The following NRCAM variants were observed in gnomAD, a reference collection of about 807,000 sequenced individuals.
NRCAM encodes NgCAM-related cell adhesion molecule.
NRCAM carries 83 observed loss-of-function variants against 156.5 expected under a neutral mutation model. The observed-to-expected ratio is 0.53, with a 90% CI of 0.44 to 0.64. The LOEUF is 0.64. Ranked by LOEUF, NRCAM falls within the 30% of genes least tolerant of loss-of-function variation. The pLI is 0.00. For synonymous variants in NRCAM, 538 were observed against 563.9 expected (o/e 0.95, Z 0.65); for missense variants, 1,417 against 1,597.3 (o/e 0.89, Z 1.92).
At chr7:108,311,804 A>C (rs1563215165) in intron 3 of NRCAM, among the ~76,000 whole-genome samples, 1 of 152,204 alleles carries the variant, frequency 6.6e-6, no homozygotes, top group Non-Finnish European at 1.5e-5. Context: ...AACATGCTCA[A>C]AGGATTTTAC....
chr7:108,169,359 A>C (rs542526237), intron 28 of NRCAM, among the ~76,000 whole-genome samples: 6 of 152,316 alleles, frequency 3.9e-5, no homozygotes, highest in African/African-American at 1.2e-4. Flanking sequence ...TTGGGTAGTT[A>C]AAAAAGAAGA....
chr7:108,204,776 G>A (rs752175928), intron 13 of NRCAM, among the ~76,000 whole-genome samples: 2 of 152,160 alleles, frequency 1.3e-5, no homozygotes, highest in African/African-American at 2.4e-5. Context: ...GGGCCTTAAA[G>A]AAGACTTTTG....
At chr7:108,201,622 G>A (rs1455518271) in intron 13 of NRCAM, among the ~76,000 whole-genome samples, 1 of 152,208 alleles carries the variant, frequency 6.6e-6, no homozygotes. Context: ...AACTTGGAGG[G>A]CAAAGCTCAA....
At chr7:108,292,179 G>T (rs2098319382) in intron 3 of NRCAM, among the ~76,000 whole-genome samples, 1 of 152,114 alleles carries the variant, frequency 6.6e-6, no homozygotes, top group African/African-American at 2.4e-5. Flanking sequence ...GTGGCTTCAG[G>T]GCTCTGGGTG....
intron 1 of NRCAM, among the ~76,000 whole-genome samples, chr7:108,455,954 A>G (rs1856864857): frequency 6.6e-6 from 1 of 152,118 alleles, no homozygotes; most frequent in African/African-American, 2.4e-5. Flanking sequence ...CACAGGCTGG[A>G]GGGGGTGGTG....
chr7:108,267,444 C>CT (rs1027249253), intron 3 of NRCAM, among the ~76,000 whole-genome samples: 1 of 152,134 alleles, frequency 6.6e-6, no homozygotes, highest in Admixed American at 6.5e-5. Context: ...GGCTTTGGGC[C>CT]TTGAGAATCC....
chr7:108,380,865 C>A (rs1595785153), intron 2 of NRCAM, among the ~76,000 whole-genome samples: 1 of 152,256 alleles, frequency 6.6e-6, no homozygotes, highest in African/African-American at 2.4e-5. Context: ...CTCCTGAGTA[C>A]TGGGTTACTC....
intron 1 of NRCAM, among the ~76,000 whole-genome samples, chr7:108,455,430 T>C (rs1855862404): frequency 1.3e-5 from 2 of 152,104 alleles, no homozygotes; most frequent in Admixed American, 6.5e-5. Flanking sequence ...GCTAAGAGCC[T>C]GGGCTGGGAA....
intron 8 of NRCAM, among the ~76,000 whole-genome samples, chr7:108,230,283 C>G (rs766048925): frequency 1.4e-4 from 20 of 147,784 alleles, no homozygotes; most frequent in Non-Finnish European, 2.4e-4. Flanking sequence ...TATCCAGAAT[C>G]TTACCATTTC....
At chr7:108,177,467 C>CA (rs1399530326) in intron 26 of NRCAM, among the ~76,000 whole-genome samples, 16 of 151,856 alleles carry the variant, frequency 1.1e-4, no homozygotes, top group South Asian at 8.3e-4. Flanking sequence ...ACTAAAAATA[C>CA]AAAAAATTTG....
intron 2 of NRCAM, among the ~76,000 whole-genome samples, chr7:108,355,507 T>G: frequency 6.6e-6 from 1 of 152,194 alleles, no homozygotes; most frequent in Non-Finnish European, 1.5e-5. Flanking sequence ...GAAAAAATGA[T>G]GTATACAATA....
intron 3 of NRCAM, among the ~76,000 whole-genome samples, chr7:108,262,569 C>T (rs1158720184): frequency 1.3e-5 from 2 of 152,204 alleles, no homozygotes; most frequent in African/African-American, 4.8e-5. Context: ...AGCATGGGAA[C>T]AGCAGACAAA....
At chr7:108,326,563 C>G (rs188921826) in intron 2 of NRCAM, among the ~76,000 whole-genome samples, 3 of 152,146 alleles carry the variant, frequency 2.0e-5, no homozygotes, top group Non-Finnish European at 4.4e-5. Context: ...ACTGGGCTAA[C>G]AAAGTAGTAG....
chr7:108,328,369 G>T (rs1484563751), intron 2 of NRCAM: 1 of 152,152 alleles, frequency 6.6e-6, no homozygotes, highest in Non-Finnish European at 1.5e-5. Flanking sequence ...GCCAGTCTCT[G>T]GACTGTCAAA....
intron 3 of NRCAM, among the ~76,000 whole-genome samples, chr7:108,275,263 A>G (rs1212900041): frequency 6.6e-6 from 1 of 152,210 alleles, no homozygotes. Context: ...AAAATGAGTT[A>G]GGGAGGATTC....
intron 13 of NRCAM, among the ~76,000 whole-genome samples, chr7:108,203,406 C>T (rs760470309): frequency 9.3e-5 from 14 of 150,446 alleles, no homozygotes; most frequent in Non-Finnish European, 1.5e-4. Flanking sequence ...CTTTAGGAGA[C>T]AATGAAATAA....
chr7:108,194,968 G>A (rs989182399), intron 15 of NRCAM, among the ~76,000 whole-genome samples: 2 of 152,218 alleles, frequency 1.3e-5, no homozygotes, highest in Non-Finnish European at 2.9e-5. Context: ...GAAGTGGGGA[G>A]TAAAAGAACA....
At chr7:108,388,574 T>C (rs1250443208) in intron 2 of NRCAM, among the ~76,000 whole-genome samples, 2 of 152,210 alleles carry the variant, frequency 1.3e-5, no homozygotes, top group African/African-American at 4.8e-5. Context: ...TTAGATCCCA[T>C]TTGTCAATTT....
intron 13 of NRCAM, among the ~76,000 whole-genome samples, chr7:108,204,666 G>C (rs776466962): frequency 6.6e-6 from 1 of 152,194 alleles, no homozygotes; most frequent in African/African-American, 2.4e-5. Context: ...GTCCACTAGA[G>C]TGACTGCTCT....
Sources: gnomAD v4.1 joint callset for allele counts (sites outside exome capture counted in the v4.1 genomes callset) on GRCh38, gnomAD v4.1.1 for gene constraint, MANE v1.5 for transcripts, NCBI Gene and HGNC (gene_info 2026-07-23, HGNC 2026-07-21) for gene names.